The following PAQR5 variants were observed in gnomAD, a reference collection of about 807,000 sequenced individuals.
PAQR5 encodes the protein progestin and adipoQ receptor family member 5, also known as membrane progestin receptor gamma.
A neutral mutation model predicts 34.5 loss-of-function variants in PAQR5; 20 were observed. The observed-to-expected ratio is 0.58, with a 90% CI of 0.41 to 0.84. The LOEUF (loss-of-function observed/expected upper bound fraction) is 0.84. Ranked by LOEUF, PAQR5 falls within the 40% of genes least tolerant of loss-of-function variation. PAQR5 has a pLI of 0.00. For missense variants in PAQR5, 378 were observed against 412.7 expected, an observed-to-expected ratio of 0.92 and a Z score of 0.73; for synonymous variants, 131 against 155.6, an observed-to-expected ratio of 0.84 and a Z score of 1.18.
At chr15:69,303,911 A>G (rs2140514332) in intron 1 of PAQR5, among the ~76,000 whole-genome samples, 1 of 152,296 alleles carries the variant, frequency 6.6e-6, no homozygotes, top group Admixed American at 6.5e-5. Context: ...TTGACCCCAA[A>G]CATCTTTTTC....
intron 3 of PAQR5, among the ~76,000 whole-genome samples, chr15:69,371,583 G>A (rs1504617): frequency 0.79 from 120,677 of 152,014 alleles, 51,393 homozygotes; most frequent in Non-Finnish European, 0.96. Context: ...TACAGTGTCC[G>A]GAGAAATAAT....
intron 1 of PAQR5, among the ~76,000 whole-genome samples, chr15:69,329,151 A>T (rs894615463): frequency 6.6e-6 from 1 of 152,212 alleles, no homozygotes; most frequent in African/African-American, 2.4e-5. Flanking sequence ...TGGCTCACAG[A>T]TGCCACTGAA....
intron 2 of PAQR5, among the ~76,000 whole-genome samples, chr15:69,341,836 TAGG>T (rs1320783268): frequency 2.0e-5 from 3 of 150,044 alleles, no homozygotes; most frequent in Admixed American, 6.7e-5. Flanking sequence ...CCCAGATACT[TAGG>T]AGGCTGAGGT....
At chr15:69,377,191 A>T (rs2055731176) in intron 3 of PAQR5, among the ~76,000 whole-genome samples, 1 of 152,262 alleles carries the variant, frequency 6.6e-6, no homozygotes, top group Non-Finnish European at 1.5e-5. Context: ...ATAAAACAAC[A>T]ACTTAAAAGG....
At chr15:69,389,605 G>T in intron 5 of PAQR5, 49 bp from the exon 6 acceptor site, 1 of 1,611,790 alleles carries the variant, frequency 6.2e-7, no homozygotes. Context: ...AGGGGCCCAT[G>T]TGGTGCCAAG....
chr15:69,329,654 T>G (rs1333062182), intron 1 of PAQR5, among the ~76,000 whole-genome samples: 1 of 151,700 alleles, frequency 6.6e-6, no homozygotes, highest in Non-Finnish European at 1.5e-5. Context: ...CCGGCTAATA[T>G]TTTGTATTTT....
At chr15:69,389,969 A>G (rs993863237) in intron 6 of PAQR5, among the ~76,000 whole-genome samples, 189 bp downstream of exon 6, 1 of 152,294 alleles carries the variant, frequency 6.6e-6, no homozygotes, top group South Asian at 2.1e-4. Context: ...CCAGGCCTCC[A>G]TGCTCAGAGA....
At position 69,403,841 on chromosome 15, in the gene PAQR5, C is replaced by A; in HGVS notation, c.*19C>A. On this transcript the variant is annotated 3_prime_UTR_variant, in exon 9 of 9. Coordinates refer to ENST00000395407, the MANE Select transcript of PAQR5 (RefSeq NM_017705.4). ...AACATGACTCAGACCATAAGCTTTT[C>A]ATGCCAGATGTCAACATTAAGCTGC... 2 of 1,610,484 alleles carry A rather than the reference C, an allele frequency of 1.2e-6. No individual in the cohort carries two copies. The highest frequency in any genetic ancestry group is 1.1e-5 in the South Asian group (1 of 90,882).
intron 3 of PAQR5, among the ~76,000 whole-genome samples, chr15:69,374,094 C>T (rs949599343): frequency 3.3e-5 from 5 of 152,238 alleles, no homozygotes; most frequent in African/African-American, 1.2e-4. Flanking sequence ...CATTCTTATG[C>T]TTGACTGAAT....
At chr15:69,308,950 T>C (rs990508192) in intron 1 of PAQR5, among the ~76,000 whole-genome samples, 5 of 152,140 alleles carry the variant, frequency 3.3e-5, no homozygotes, top group Admixed American at 1.3e-4. Context: ...CGAAAGGGTT[T>C]GGACATGAGA....
At chr15:69,369,682 T>A (rs1333299623) in intron 3 of PAQR5, among the ~76,000 whole-genome samples, 1 of 151,854 alleles carries the variant, frequency 6.6e-6, no homozygotes, top group Admixed American at 6.6e-5. Context: ...ACCACAAAAA[T>A]AGTAGGGGCA....
At chr15:69,401,748 C>CA (rs2056634414) in intron 8 of PAQR5, among the ~76,000 whole-genome samples, 1 of 152,230 alleles carries the variant, frequency 6.6e-6, no homozygotes, top group Non-Finnish European at 1.5e-5. Context: ...CCTTAACTAA[C>CA]AGAGTCTGCT....
chr15:69,330,867 G>A (rs546321025), intron 1 of PAQR5, among the ~76,000 whole-genome samples: 1 of 152,264 alleles, frequency 6.6e-6, no homozygotes, highest in African/African-American at 2.4e-5. Flanking sequence ...AACCCCTTGG[G>A]CACTTACAAA....
At chr15:69,400,217 C>CAG in intron 8 of PAQR5, 102 bp downstream of exon 8, 3 of 1,214,704 alleles carry the variant, frequency 2.5e-6, no homozygotes, top group Admixed American at 2.3e-5. Flanking sequence ...CAGGGAAGGG[C>CAG]AGAGAGAGAG....
chr15:69,379,682 C>G (rs1019590641), intron 3 of PAQR5: 5 of 838,292 alleles, frequency 6.0e-6, no homozygotes, highest in African/African-American at 1.8e-5. Flanking sequence ...CCTCCCCCAG[C>G]TAGCTGGAGG....
chr15:69,327,840 G>A (rs1274517346), intron 1 of PAQR5, among the ~76,000 whole-genome samples: 1 of 152,080 alleles, frequency 6.6e-6, no homozygotes, highest in African/African-American at 2.4e-5. Flanking sequence ...TGCCCAAGTT[G>A]GGATCTCAGA....
At chr15:69,336,844 T>C (rs1275509135) in intron 1 of PAQR5, among the ~76,000 whole-genome samples, 1 of 152,236 alleles carries the variant, frequency 6.6e-6, no homozygotes, top group Non-Finnish European at 1.5e-5. Flanking sequence ...TGATTTAGTG[T>C]ACATTATTAA....
At position 69,401,211 on chromosome 15, in the gene PAQR5, G is replaced by A. The variant is rs528792379; in HGVS notation, c.751+1096G>A. On this transcript the variant is annotated intron_variant, in intron 8 of 8. Coordinates refer to ENST00000395407, the MANE Select transcript of PAQR5 (RefSeq NM_017705.4). ...GGTGAGGCTGACAAGACTTTGGGGT[G>A]AGAGTTCCTTAGGTGAGTACATGGG... 2.4e-4 allele frequency among the ~76,000 whole-genome samples: 36 copies of A among 152,250 alleles called. 1 individual carries two copies. The highest frequency in any genetic ancestry group is 7.2e-4 in the African/African-American group (30 of 41,544).
At chr15:69,299,956 A>G (rs2053492675) in intron 1 of PAQR5, among the ~76,000 whole-genome samples, 1 of 152,190 alleles carries the variant, frequency 6.6e-6, no homozygotes, top group African/African-American at 2.4e-5. Flanking sequence ...TGGCGAGTAG[A>G]TATTAACACA....
Sources: gnomAD v4.1 joint callset for allele counts (sites outside exome capture counted in the v4.1 genomes callset) on GRCh38, gnomAD v4.1.1 for gene constraint, MANE v1.5 for transcripts, NCBI Gene and HGNC (gene_info 2026-07-23, HGNC 2026-07-21) for gene names.